The following RIMBP2 variants were observed in gnomAD, a reference collection of about 807,000 sequenced individuals.
The protein encoded by RIMBP2 is RIMS-binding protein 2.
A neutral mutation model predicts 118.6 loss-of-function variants in RIMBP2; 48 were observed. The observed-to-expected ratio is 0.40, with a 90% CI of 0.32 to 0.51. The LOEUF (loss-of-function observed/expected upper bound fraction) is 0.51. RIMBP2 is among the 20% of genes least tolerant of loss of function. The pLI, the probability that RIMBP2 is intolerant of heterozygous loss-of-function variation, is 0.41. For missense variants in RIMBP2, 1,551 were observed against 1,768.3 expected (o/e 0.88, Z 2.20); for synonymous variants, 762 against 742.9 (o/e 1.03, Z -0.42).
In RIMBP2 at chr12:130,587,214, C is replaced by G. The variant is rs1277571561; in HGVS notation, c.-217+41108G>C. On this transcript the variant is annotated intron_variant, in intron 2 of 22. Transcript: ENST00000690449. ...GAGAGGATGTGGAGAAATAGGAACA[C>G]TTTTACACTGTTGGTGGGACTGTAA... Among the ~76,000 whole-genome samples the G allele has an allele frequency of 5.3e-5, 7 of 132,448 alleles. No homozygotes were observed. The East Asian group carries it at 6.9e-4, about 13-fold the overall frequency. The allele number at this position is 132,448 out of a possible 152,430, so 86.9% of individuals were successfully genotyped here. A position where few individuals can be genotyped will look rare whatever the true frequency, so the allele number is the denominator to read the frequency against.
At chr12:130,399,645 A>G in intron 22 of RIMBP2, 34 bp downstream of exon 22, 2 of 1,612,380 alleles carry the variant, frequency 1.2e-6, no homozygotes, top group Admixed American at 1.7e-5. Context: ...GCAGAACGGG[A>G]CAGAGATTAA....
chr12:130,610,652 C>A (rs1359244856), intron 2 of RIMBP2, among the ~76,000 whole-genome samples: 1 of 148,294 alleles, frequency 6.7e-6, no homozygotes, highest in African/African-American at 2.5e-5. Context: ...GCTCCGCCTC[C>A]CGGGTTCACG....
intron 1 of RIMBP2, among the ~76,000 whole-genome samples, chr12:130,634,197 G>A (rs1050957726): frequency 3.9e-5 from 6 of 152,140 alleles, no homozygotes; most frequent in African/African-American, 1.4e-4. Context: ...CAACTCTCCT[G>A]GAGATGCATG....
intron 2 of RIMBP2, among the ~76,000 whole-genome samples, chr12:130,535,782 T>TATATATATATATATAC (rs1491537590): frequency 7.7e-6 from 1 of 129,978 alleles, no homozygotes; most frequent in African/African-American, 2.8e-5. Context: ...TATATATATA[T>TATATATATATATATAC]ACACATATTT....
intron 2 of RIMBP2, among the ~76,000 whole-genome samples, chr12:130,542,377 C>T (rs1006379585): frequency 1.3e-5 from 2 of 152,184 alleles, no homozygotes; most frequent in African/African-American, 4.8e-5. Flanking sequence ...GTCTACAATA[C>T]TCTTGTTAAG....
chr12:130,409,183 A>G (rs1435970083), intron 19 of RIMBP2, among the ~76,000 whole-genome samples: 1 of 152,154 alleles, frequency 6.6e-6, no homozygotes, highest in Non-Finnish European at 1.5e-5. Flanking sequence ...TGATAAGCAC[A>G]CACAGTCCAG....
intron 2 of RIMBP2, among the ~76,000 whole-genome samples, chr12:130,546,236 T>C (rs2055150300): frequency 6.6e-6 from 1 of 151,892 alleles, no homozygotes. Context: ...CCCGAGTAGC[T>C]GGGACTACAG....
intron 4 of RIMBP2, among the ~76,000 whole-genome samples, chr12:130,501,705 G>T (rs1157621122): frequency 1.3e-5 from 2 of 152,206 alleles, no homozygotes; most frequent in Non-Finnish European, 2.9e-5. Flanking sequence ...AACTCTAGGC[G>T]CACAGCCTGT....
intron 1 of RIMBP2, among the ~76,000 whole-genome samples, chr12:130,636,934 C>T (rs2062376916): frequency 6.6e-6 from 1 of 152,188 alleles, no homozygotes; most frequent in South Asian, 2.1e-4. Context: ...CAAACCAATA[C>T]ACACCTAGTA....
rs1026965431 is a variant in RIMBP2 at position 130,419,392 on chromosome 12, G to T, written c.3238+3061C>A. The T allele has an allele frequency of 2.0e-5, 3 of 152,224 alleles. No individual in the cohort carries two copies. The highest frequency in any genetic ancestry group is 7.2e-5 in the African/African-American group (3 of 41,432). 9.4% of individuals were successfully genotyped at this position (152,224 alleles called of 1,614,324 possible). A position where few individuals can be genotyped will look rare whatever the true frequency, so the allele number is the denominator to read the frequency against. ...CCTGGGTGGGCTCCCAAATCCACTGGTGCCATAAGAATAAGCACCGTCTTC... is the reference window on the plus strand; with the variant it reads ...CCTGGGTGGGCTCCCAAATCCACTGTTGCCATAAGAATAAGCACCGTCTTC... On this transcript the variant is annotated intron_variant, in intron 17 of 22. Coordinates refer to ENST00000690449, the MANE Select transcript of RIMBP2 (RefSeq NM_001393629.1). The surrounding 1 kb of genome is among the most constrained non-coding windows in gnomAD (Gnocchi z 4.3).
chr12:130,648,687 G>A (rs1193191090), intron 1 of RIMBP2, among the ~76,000 whole-genome samples: 7 of 133,314 alleles, frequency 5.3e-5, no homozygotes, highest in South Asian at 2.3e-4. Flanking sequence ...ACGGAGTTTC[G>A]CTCTTGTTGC....
chr12:130,424,619 G>T lies in RIMBP2; in HGVS notation c.2652C>A (p.Phe884Leu). 8.1e-7 allele frequency: 1 copy of T among 1,231,768 alleles called. No individual in the cohort carries two copies. The highest frequency in any genetic ancestry group is 1.0e-6 in the Non-Finnish European group (1 of 987,768). 76.3% of individuals were successfully genotyped at this position (1,231,768 alleles called of 1,614,324 possible). The stretch of plus-strand genomic sequence containing the variant: ...CCCCCGAGCCCCTGTGCTTCACCGG[G>T]AACCAGGAGCCCCGAGGGGCCTCGT... ...RGDEAPRGSW[F>L]PVKHRGSGAV... The change falls in exon 16 of 23, where the codon TTC becomes TTA. Residue 884 changes from phenylalanine to leucine, a missense_variant. Transcript: ENST00000690449. The surrounding 1 kb of genome is among the most constrained non-coding windows in gnomAD (Gnocchi z 9.8).
intron 2 of RIMBP2, among the ~76,000 whole-genome samples, chr12:130,571,413 A>AAC (rs200766254): frequency 0.22 from 12,624 of 56,444 alleles, 824 homozygotes; most frequent in Non-Finnish European, 0.31. Context: ...TACCCATAGT[A>AAC]ACATTTTTTT....
chr12:130,649,426 G>A (rs1200371784), intron 1 of RIMBP2, among the ~76,000 whole-genome samples: 2 of 152,218 alleles, frequency 1.3e-5, no homozygotes, highest in African/African-American at 2.4e-5. Flanking sequence ...TGGGAAGGGC[G>A]GCGCCTTCCC....
chr12:130,701,248 G>A (rs1288743455), intron 1 of RIMBP2, among the ~76,000 whole-genome samples: 1 of 152,168 alleles, frequency 6.6e-6, no homozygotes, highest in East Asian at 1.9e-4. Context: ...GGGCCCTCAC[G>A]CTGTAAGCCC....
At chr12:130,550,799 G>A (rs146091749) in intron 2 of RIMBP2, among the ~76,000 whole-genome samples, 41 of 152,332 alleles carry the variant, frequency 2.7e-4, no homozygotes, top group African/African-American at 9.6e-4. Context: ...GGTAATCTCT[G>A]TCCTCAGGGA....
chr12:130,713,265 GGAA>G (rs1288431048), intron 1 of RIMBP2, among the ~76,000 whole-genome samples: 6 of 145,682 alleles, frequency 4.1e-5, no homozygotes, highest in Non-Finnish European at 9.1e-5. Context: ...AAGGAAGGAA[GGAA>G]GGAAGGACTG....
intron 2 of RIMBP2, among the ~76,000 whole-genome samples, chr12:130,601,622 G>A (rs12313276): frequency 0.18 from 27,227 of 152,094 alleles, 3,581 homozygotes; most frequent in East Asian, 0.36. Flanking sequence ...TTATCTTCCA[G>A]CACACATAGA....
rs544197712 is a variant in RIMBP2, at chr12:130,454,391, C to T, written c.358+2105G>A. ...AGCAGAGGCCTGGAAGAGGGGCCTGCGCTGTCTGCAGGGAGGAGTGTCCTG... is the reference window on the plus strand; with the variant it reads ...AGCAGAGGCCTGGAAGAGGGGCCTGTGCTGTCTGCAGGGAGGAGTGTCCTG... On this transcript the variant is annotated intron_variant, in intron 7 of 22. Transcript: ENST00000690449. Among the ~76,000 whole-genome samples, 11 of 152,334 alleles carry T rather than the reference C, an allele frequency of 7.2e-5. No individual in the cohort carries two copies. In the East Asian group the frequency reaches 1.3e-3, roughly 19 times the overall value.
Sources: gnomAD v4.1 joint callset for allele counts (sites outside exome capture counted in the v4.1 genomes callset) on GRCh38, gnomAD v4.1.1 for gene constraint, Gnocchi (gnomAD v3.1) non-coding constraint, MANE v1.5 for transcripts, NCBI Gene and HGNC (gene_info 2026-07-23, HGNC 2026-07-21) for gene names.